Variants in CELF5 observed in about 807,000 individuals in gnomAD.
CELF5 encodes the protein CUG-BP and ETR-3 like factor 5.
Under a neutral mutation model 54.9 loss-of-function variants are expected in CELF5, and 6 were observed. That is an observed-to-expected ratio of 0.11 (90% CI 0.06 to 0.22). The LOEUF is 0.22. Among genes scored for constraint, CELF5 ranks in the 10% least tolerant of loss-of-function variants. CELF5 has a pLI of 1.00. For missense variants in CELF5, 401 were observed against 678.6 expected, an observed-to-expected ratio of 0.59 and a Z score of 4.54; for synonymous variants, 271 against 290.9, an observed-to-expected ratio of 0.93 and a Z score of 0.70.
Position 3,278,774 on chromosome 19 carries a change from CTGTG to C in CELF5, c.603+667_603+670del, listed in dbSNP as rs931479058. 1.3e-5 allele frequency among the ~76,000 whole-genome samples: 2 copies of C among 151,216 alleles called. No individual in the cohort carries two copies. The highest frequency in any genetic ancestry group is 4.9e-5 in the African/African-American group (2 of 41,056). ...TACACGTTTGTGAGTATATGCAGGT[CTGTG>C]TGAGTATAGGTTGTGAGTGGGTGAG... On this transcript the variant is annotated intron_variant, in intron 5 of 12. Coordinates refer to ENST00000292672, the MANE Select transcript of CELF5 (RefSeq NM_021938.4). The surrounding 1 kb of genome is among the most constrained non-coding windows in gnomAD (Gnocchi z 4.5).
intron 2 of CELF5, among the ~76,000 whole-genome samples, chr19:3,256,848 G>A (rs141181479): frequency 9.9e-5 from 15 of 151,060 alleles, no homozygotes; most frequent in African/African-American, 2.2e-4. Flanking sequence ...GATTACAGGC[G>A]TCAGCCACTG....
intron 2 of CELF5, among the ~76,000 whole-genome samples, chr19:3,252,601 T>C (rs2079666686): frequency 6.6e-6 from 1 of 152,112 alleles, no homozygotes; most frequent in Admixed American, 6.6e-5. Flanking sequence ...TGGCTGACTG[T>C]AGGAAATCTG....
chr19:3,225,321 A>C (rs1599371890), intron 1 of CELF5, among the ~76,000 whole-genome samples: 1 of 64,938 alleles, frequency 1.5e-5, no homozygotes, highest in African/African-American at 6.8e-5. Flanking sequence ...TCGACCTCTC[A>C]TCCTTCCCCC....
At chr19:3,258,131 T>C (rs959896427) in intron 2 of CELF5, among the ~76,000 whole-genome samples, 1 of 152,090 alleles carries the variant, frequency 6.6e-6, no homozygotes, top group African/African-American at 2.4e-5. Context: ...ATAATTTTTG[T>C]ATTTTTAGTA....
chr19:3,276,013 C>A, intron 4 of CELF5, 29 bp downstream of exon 4: 1 of 891,110 alleles, frequency 1.1e-6, no homozygotes, highest in South Asian at 2.6e-5. Context: ...GGCGGGACTG[C>A]GAGAGGGGCC....
intron 1 of CELF5, among the ~76,000 whole-genome samples, chr19:3,242,881 T>C (rs552940448): frequency 6.6e-6 from 1 of 152,170 alleles, no homozygotes; most frequent in Non-Finnish European, 1.5e-5. Context: ...AGAGAGTCAT[T>C]TGAACCTGGG....
intron 5 of CELF5, among the ~76,000 whole-genome samples, chr19:3,280,191 C>A (rs989193551): frequency 5.3e-5 from 8 of 152,120 alleles, no homozygotes; most frequent in Non-Finnish European, 8.8e-5. Flanking sequence ...TGTGCCCCAG[C>A]AAAGCAGGGC....
chr19:3,266,338 G>A (rs977438116), intron 2 of CELF5, among the ~76,000 whole-genome samples: 12 of 151,218 alleles, frequency 7.9e-5, no homozygotes, highest in South Asian at 6.2e-4. Flanking sequence ...TCTCAGCCCC[G>A]CCTCCTGAGT....
At chr19:3,227,369 A>C (rs919762156) in intron 1 of CELF5, among the ~76,000 whole-genome samples, 1 of 152,074 alleles carries the variant, frequency 6.6e-6, no homozygotes, top group Non-Finnish European at 1.5e-5. Flanking sequence ...GAGAGGAGTG[A>C]GTTCAGACAC....
At chr19:3,266,841 C>A (rs959269252) in intron 2 of CELF5, among the ~76,000 whole-genome samples, 1 of 152,204 alleles carries the variant, frequency 6.6e-6, no homozygotes, top group Non-Finnish European at 1.5e-5. Flanking sequence ...CTGCCAGCCA[C>A]GTCTGAGCAC....
chr19:3,244,404 C>T (rs2079532110), intron 1 of CELF5, among the ~76,000 whole-genome samples: 1 of 144,750 alleles, frequency 6.9e-6, no homozygotes, highest in Non-Finnish European at 1.5e-5. Context: ...GGTGTGCATG[C>T]ATTGTGTGTA....
intron 4 of CELF5, among the ~76,000 whole-genome samples, chr19:3,276,383 A>C (rs1042473834): frequency 1.4e-5 from 2 of 145,242 alleles, no homozygotes; most frequent in African/African-American, 5.2e-5. Flanking sequence ...TCCAGAGCTG[A>C]AGTCTGTGGG....
Position 3,246,304 on chromosome 19 carries a change from C to T in CELF5, c.260-4681C>T, listed in dbSNP as rs377312874. On this transcript the variant is annotated intron_variant, in intron 1 of 12. Transcript: ENST00000292672. ...GCTTGAACCCAGGAGGGGAAGGTTG[C>T]AGTGAGCTGAGATTGCGCCACTGCA... Among the ~76,000 whole-genome samples the T allele has an allele frequency of 2.0e-5, 3 of 151,948 alleles. No homozygotes were observed. In the South Asian group the frequency reaches 6.2e-4, roughly 32 times the overall value.
At chr19:3,247,003 C>T (rs73517163) in intron 1 of CELF5, among the ~76,000 whole-genome samples, 14,418 of 152,244 alleles carry the variant, frequency 0.095, 726 homozygotes, top group Middle Eastern at 0.17. Flanking sequence ...ATACGTGATG[C>T]GCACATGGTG....
intron 1 of CELF5, among the ~76,000 whole-genome samples, chr19:3,242,490 G>C (rs2079505081): frequency 6.6e-6 from 1 of 151,942 alleles, no homozygotes; most frequent in African/African-American, 2.4e-5. Flanking sequence ...GGCCAACATG[G>C]TGAAACCCTG....
intron 10 of CELF5, among the ~76,000 whole-genome samples, chr19:3,289,314 G>A (rs1269107000): frequency 1.3e-5 from 2 of 152,048 alleles, no homozygotes; most frequent in Non-Finnish European, 2.9e-5. Context: ...CCATCACCTT[G>A]GGAGTCTGAG....
chr19:3,247,855 G>A (rs577418995), intron 1 of CELF5, among the ~76,000 whole-genome samples: 2 of 151,876 alleles, frequency 1.3e-5, no homozygotes, highest in African/African-American at 2.4e-5. Context: ...TCTGCCGCCC[G>A]GGTTCAAACG....
At chr19:3,232,025 A>G (rs923818154) in intron 1 of CELF5, among the ~76,000 whole-genome samples, 8 of 151,780 alleles carry the variant, frequency 5.3e-5, no homozygotes, top group African/African-American at 1.7e-4. Context: ...AAGATGGGAT[A>G]GACTGAAGGA....
chr19:3,295,891 C>T, intron 12 of CELF5: 1 of 152,794 alleles, frequency 6.5e-6, no homozygotes, highest in Non-Finnish European at 1.5e-5. Context: ...CCCTCACCAC[C>T]CCCTCCCAAG....
Sources: gnomAD v4.1 joint callset for allele counts (sites outside exome capture counted in the v4.1 genomes callset) on GRCh38, gnomAD v4.1.1 for gene constraint, Gnocchi (gnomAD v3.1) non-coding constraint, MANE v1.5 for transcripts, NCBI Gene and HGNC (gene_info 2026-07-23, HGNC 2026-07-21) for gene names.